The following DDX3X variants were observed in gnomAD, a reference collection of about 807,000 sequenced individuals.
The protein encoded by DDX3X is ATP-dependent RNA helicase DDX3X.
In DDX3X, 4 loss-of-function variants were observed where a neutral mutation model predicts 52.7. The observed-to-expected ratio is 0.08, with a 90% CI of 0.04 to 0.17. The LOEUF is 0.17. Among genes scored for constraint, DDX3X ranks in the 10% least tolerant of loss-of-function variants. The pLI is 1.00. For missense variants in DDX3X, 222 were observed against 548.6 expected, an observed-to-expected ratio of 0.40 and a Z score of 5.95; for synonymous variants, 192 against 178.1, an observed-to-expected ratio of 1.08 and a Z score of -0.62.
At chrX:41,335,585 A>G (rs2063754608) in intron 1 of DDX3X, 1 of 111,965 alleles carries the variant, frequency 8.9e-6, no homozygotes, top group Non-Finnish European at 1.9e-5. Context: ...GCTTTTAAAT[A>G]AACTACTGTC....
upstream of DDX3X, chrX:41,333,352 C>A (rs757892014): frequency 9.2e-6 from 1 of 109,154 alleles, no homozygotes; most frequent in Non-Finnish European, 1.9e-5. Context: ...CCCTCCATTT[C>A]CCCCCGACTC....
intron 3 of DDX3X, 164 bp from the exon 4 acceptor site, chrX:41,341,314 TAAAGAA>T: frequency 2.4e-6 from 1 of 408,206 alleles, no homozygotes; most frequent in East Asian, 4.3e-5. Flanking sequence ...TGGGGAGAAT[TAAAGAA>T]AAACTTTGTC....
rs769230915 is a variant in DDX3X at position 41,347,740 on chromosome X, C to T, written c.*21C>T. The stretch of plus-strand genomic sequence containing the variant: ...ACTGAGCCTGCTTTGCAGTAGGTCA[C>T]CCTGCCAAACAAGCTAATATGGAAA... On this transcript the variant is annotated 3_prime_UTR_variant, in exon 17 of 17. Coordinates refer to ENST00000644876, the MANE Select transcript of DDX3X (RefSeq NM_001356.5). The T allele has an allele frequency of 9.4e-7, 1 of 1,064,264 alleles. No individual in the cohort carries two copies. The highest frequency in any genetic ancestry group is 3.0e-5 in the East Asian group (1 of 33,031). The allele number at this position is 1,064,264 out of a possible 1,213,427, so 87.7% of individuals were successfully genotyped here. A position where few individuals can be genotyped will look rare whatever the true frequency, so the allele number is the denominator to read the frequency against.
At chrX:41,342,474 T>TTA (rs2063865241) in intron 4 of DDX3X, 21 bp from the exon 5 acceptor site, 3 of 1,206,821 alleles carry the variant, frequency 2.5e-6, no homozygotes, top group Non-Finnish European at 3.4e-6. Flanking sequence ...ATGATTCTGA[T>TTA]TAATTGCTTG....
chrX:41,341,424 C>T (rs56395484), intron 3 of DDX3X, 60 bp from the exon 4 acceptor site: 50,558 of 1,014,852 alleles, frequency 0.05, 1,042 homozygotes, highest in Non-Finnish European at 0.059. Context: ...TTGATAATAC[C>T]TTAACATGGT....
In DDX3X at chrX:41,347,457, G is replaced by A. The variant is rs1396245420; in HGVS notation, c.1909+6G>A. The A allele has an allele frequency of 5.0e-6, 6 of 1,203,526 alleles. No homozygotes were observed. The highest frequency in any genetic ancestry group is 5.6e-6 in the Non-Finnish European group (5 of 892,290). Reference sequence around the variant, plus strand: ...CAGCAGAGGATTTGGTGGAGGTAGTGTTAATCTGTAACTTCATAGCTTTGG... The same window carrying A: ...CAGCAGAGGATTTGGTGGAGGTAGTATTAATCTGTAACTTCATAGCTTTGG... On this transcript the variant is annotated splice_donor_region_variant and intron_variant, in intron 16 of 16. Coordinates refer to ENST00000644876, the MANE Select transcript of DDX3X (RefSeq NM_001356.5).
chrX:41,354,820 G>GTTT (rs2147370119), downstream of DDX3X, among the ~76,000 whole-genome samples: 1 of 74,130 alleles, frequency 1.3e-5, no homozygotes, highest in South Asian at 9.5e-4. Context: ...GTTGTAAATA[G>GTTT]TTTTGTTGTT....
At chrX:41,356,337 G>A (rs1369692925) in intron 5 of DDX3X, among the ~76,000 whole-genome samples, 1 of 109,540 alleles carries the variant, frequency 9.1e-6, no homozygotes, top group Non-Finnish European at 1.9e-5. Context: ...AGTAGAGACG[G>A]GGTTTCACCA....
At chrX:41,336,846 AAG>A (rs2063778242) in intron 1 of DDX3X, 1 of 113,323 alleles carries the variant, frequency 8.8e-6, no homozygotes, top group African/African-American at 3.2e-5. Context: ...TGTTGTTCTT[AAG>A]AGTACTACCC....
At chrX:41,357,858 G>A in intron 5 of DDX3X, 1 of 296,786 alleles carries the variant, frequency 3.4e-6, no homozygotes, top group Non-Finnish European at 5.9e-6. Context: ...TGGAGCAAGT[G>A]CCTCCATGAA....
downstream of DDX3X, among the ~76,000 whole-genome samples, chrX:41,355,158 C>G (rs2064003603): frequency 9.0e-6 from 1 of 111,426 alleles, no homozygotes; most frequent in Non-Finnish European, 1.9e-5. Context: ...TATAGATATT[C>G]TGTAGTTTAT....
At chrX:41,356,606 A>AAC (rs1300483745) in intron 5 of DDX3X, among the ~76,000 whole-genome samples, 2 of 107,419 alleles carry the variant, frequency 1.9e-5, no homozygotes, top group East Asian at 5.9e-4. Flanking sequence ...CTACAGGCGC[A>AAC]CACCACCACA....
At chrX:41,336,629 G>C (rs1173999286) in intron 1 of DDX3X, 1 of 111,489 alleles carries the variant, frequency 9.0e-6, no homozygotes, top group Non-Finnish European at 1.9e-5. Flanking sequence ...AAGTAGCCTA[G>C]CGTGGTGGCG....
At chrX:41,334,053 G>C (rs1182716498), upstream of DDX3X, 1 of 435,405 alleles carries the variant, frequency 2.3e-6, no homozygotes. Flanking sequence ...CCGGGCAGAA[G>C]TCGCCGCGAC....
chrX:41,355,972 G>A, intron 5 of DDX3X, among the ~76,000 whole-genome samples: 1 of 110,906 alleles, frequency 9.0e-6, no homozygotes. Flanking sequence ...GTTTTTTACT[G>A]TTGAGTTTTG....
At chrX:41,344,996 T>C (rs909374064) in intron 10 of DDX3X, among the ~76,000 whole-genome samples, 184 bp from the exon 11 acceptor site, 1 of 112,026 alleles carries the variant, frequency 8.9e-6, no homozygotes, top group Non-Finnish European at 1.9e-5. Flanking sequence ...GAATGACTTA[T>C]GTAGTGGCAA....
Position 41,349,805 on chromosome X carries a change from C to T in DDX3X, c.*2086C>T, listed in dbSNP as rs1488198721. On this transcript the variant is annotated 3_prime_UTR_variant, in exon 17 of 17. Transcript: ENST00000644876. ...ATTAAATCATGCCAAGGTTTTGATA[C>T]ACTTGTCTTAAGATATTAATGAAAC... 1.8e-5 allele frequency: 2 copies of T among 111,067 alleles called. No individual in the cohort carries two copies. The highest frequency in any genetic ancestry group is 3.8e-5 in the Non-Finnish European group (2 of 53,015). The allele number at this position is 111,067 out of a possible 1,213,427, so 9.2% of individuals were successfully genotyped here.
chrX:41,341,831 C>A, intron 4 of DDX3X: 1 of 342,086 alleles, frequency 2.9e-6, no homozygotes, highest in Non-Finnish European at 5.1e-6. Context: ...TTCTATTTCT[C>A]GAGTTTTATA....
Position 41,346,853 on chromosome X carries a change from T to C in DDX3X, c.1616-6T>C, listed in dbSNP as rs773367975. On this transcript the variant is annotated splice_region_variant and splice_polypyrimidine_tract_variant and intron_variant, in intron 14 of 16. Coordinates refer to ENST00000644876, the MANE Select transcript of DDX3X (RefSeq NM_001356.5). ...TGTTTATATACTTTTTTGGGAACTC[T>C]TTTAGGCCTGGCAACCTCATTCTTT... 8.3e-7 allele frequency: 1 copy of C among 1,204,290 alleles called. No individual in the cohort carries two copies. The highest frequency in any genetic ancestry group is 2.2e-5 in the Admixed American group (1 of 45,356).
Sources: allele counts gnomAD v4.1 joint callset (sites outside exome capture counted in the v4.1 genomes callset), GRCh38; gene constraint gnomAD v4.1.1; transcripts MANE v1.5; gene names NCBI Gene and HGNC (gene_info 2026-07-23, HGNC 2026-07-21).